Variants in CLIP2 observed in about 807,000 individuals in gnomAD.
CLIP2 encodes CAP-Gly domain containing linker protein 2, also known as CAP-Gly domain-containing linker protein 2.
In CLIP2, 41 loss-of-function variants were observed where a neutral mutation model predicts 111.7. The ratio of observed to expected loss-of-function variants is 0.37; its 90% confidence interval spans 0.29 to 0.48. The LOEUF (loss-of-function observed/expected upper bound fraction) is 0.48, where lower values mean the gene tolerates loss of function less well. Among genes scored for constraint, CLIP2 ranks in the 20% least tolerant of loss-of-function variants. CLIP2 has a pLI of 0.99. For missense variants in CLIP2, 1,160 were observed against 1,422.1 expected (o/e 0.82, Z 2.96); for synonymous variants, 660 against 644.2 (o/e 1.02, Z -0.37).
Position 74,393,070 on chromosome 7 carries a change from C to T in CLIP2, c.2720+3811C>T, listed in dbSNP as rs146961744. Among the ~76,000 whole-genome samples, 1,372 of 140,472 alleles carry T rather than the reference C, an allele frequency of 9.8e-3. 18 individuals are homozygous for T. Among genetic ancestry groups the T allele is most frequent in the African/African-American group, 0.033 (1,270 of 38,712 alleles). 92.2% of individuals were successfully genotyped at this position (140,472 alleles called of 152,430 possible). ...TTTTTTTTTGAGACGGAGTCTTACT[C>T]TGTTGCCCAGGCTGCAGTACAGTGG... On this transcript the variant is annotated intron_variant, in intron 13 of 16. Transcript: ENST00000223398.
At chr7:74,354,067 G>A in intron 4 of CLIP2, 63 bp downstream of exon 4, 2 of 1,540,772 alleles carry the variant, frequency 1.3e-6, no homozygotes, top group Non-Finnish European at 1.8e-6. Flanking sequence ...GGGCGCAGGG[G>A]ATGGAGATGG....
chr7:74,396,412 A>C (rs1334689147), intron 13 of CLIP2, among the ~76,000 whole-genome samples: 2 of 152,208 alleles, frequency 1.3e-5, no homozygotes, highest in Admixed American at 1.3e-4. Flanking sequence ...TTAAAAATAG[A>C]TAAAATGTCT....
chr7:74,343,402 G>A (rs577374384), intron 3 of CLIP2, among the ~76,000 whole-genome samples: 13 of 152,140 alleles, frequency 8.5e-5, no homozygotes, highest in East Asian at 3.9e-4. Context: ...CAGGATCTCC[G>A]GGGTCTGTGG....
At chr7:74,305,651 G>T (rs900241609) in intron 1 of CLIP2, among the ~76,000 whole-genome samples, 5 of 152,014 alleles carry the variant, frequency 3.3e-5, no homozygotes, top group African/African-American at 1.2e-4. Flanking sequence ...GCGCCACCAC[G>T]CCCAGCTAAT....
rs187258230 is a variant in CLIP2 at position 74,300,274 on chromosome 7, C to G, written c.-68+10540C>G. 1.8e-3 allele frequency among the ~76,000 whole-genome samples: 273 copies of G among 150,200 alleles called. 1 individual carries two copies. Among genetic ancestry groups the G allele is most frequent in the African/African-American group, 3.4e-3 (141 of 40,892 alleles). ...AGTGCTGGGATTACAGGCATGAGCC[C>G]CCACACCCAGCCTCTTCCCACCTTT... is the stretch of plus-strand genomic sequence containing the variant. On this transcript the variant is annotated intron_variant, in intron 1 of 16. Coordinates refer to ENST00000223398, the MANE Select transcript of CLIP2 (RefSeq NM_003388.5).
At chr7:74,355,438 C>T (rs1554308307) in intron 4 of CLIP2, among the ~76,000 whole-genome samples, 1 of 152,144 alleles carries the variant, frequency 6.6e-6, no homozygotes, top group Admixed American at 6.6e-5. Flanking sequence ...AGCAAAACCT[C>T]ATCTCTACAA....
At chr7:74,377,141 G>A (rs1395325973) in intron 10 of CLIP2, among the ~76,000 whole-genome samples, 4 of 152,102 alleles carry the variant, frequency 2.6e-5, no homozygotes, top group African/African-American at 7.2e-5. Flanking sequence ...CATGTCTTAG[G>A]GTGCAGGGCT....
intron 8 of CLIP2, among the ~76,000 whole-genome samples, chr7:74,369,073 G>A (rs1478351575): frequency 5.3e-5 from 8 of 152,222 alleles, no homozygotes; most frequent in Admixed American, 3.3e-4. Flanking sequence ...TATTCTGGCT[G>A]GATGTGGTGG....
At chr7:74,328,424 C>T (rs187956186) in intron 2 of CLIP2, among the ~76,000 whole-genome samples, 6 of 152,270 alleles carry the variant, frequency 3.9e-5, no homozygotes, top group Admixed American at 3.9e-4. Flanking sequence ...GTCTGCATTT[C>T]AGCCCAGGGG....
intron 8 of CLIP2, among the ~76,000 whole-genome samples, chr7:74,367,727 A>G (rs78294428): frequency 5.8e-4 from 89 of 152,232 alleles, no homozygotes; most frequent in Non-Finnish European, 1.2e-3. Context: ...ACATCTATCC[A>G]GGCCTCCCCT....
chr7:74,292,943 G>T (rs1197698856), intron 1 of CLIP2, among the ~76,000 whole-genome samples: 1 of 152,158 alleles, frequency 6.6e-6, no homozygotes, highest in African/African-American at 2.4e-5. Context: ...CAGGTGCAAA[G>T]TCCAAACACG....
At chr7:74,306,637 T>C (rs1788496489) in intron 1 of CLIP2, among the ~76,000 whole-genome samples, 1 of 152,144 alleles carries the variant, frequency 6.6e-6, no homozygotes, top group African/African-American at 2.4e-5. Flanking sequence ...CAGCCGGGGC[T>C]TGTCTCTGGG....
In CLIP2 at chr7:74,401,647, A is replaced by T. The variant is rs944189701; in HGVS notation, c.3129+80A>T. On this transcript the variant is annotated intron_variant, in intron 16 of 16. Coordinates refer to ENST00000223398, the MANE Select transcript of CLIP2 (RefSeq NM_003388.5). ...AGAAAATCCTTGAAACGTCACTAAG[A>T]ATACACACAAAGATGCATTCTGCAA... The T allele has an allele frequency of 2.9e-6, 4 of 1,389,266 alleles. No homozygotes were observed. In the Admixed American group the frequency reaches 7.5e-5, roughly 26 times the overall value. 86.1% of individuals were successfully genotyped at this position (1,389,266 alleles called of 1,614,324 possible). A position where few individuals can be genotyped will look rare whatever the true frequency, so the allele number is the denominator to read the frequency against.
Position 74,389,164 on chromosome 7 carries a change from G to C in CLIP2, c.2625G>C (p.Arg875=), listed in dbSNP as rs1193372178. 2 of 1,613,746 alleles carry C rather than the reference G, an allele frequency of 1.2e-6. No homozygotes were observed. Reference sequence around the variant, plus strand: ...TGGACGCCCTCCTGAAGGAGAAGCGGCGCCTGGAGGCAGAGCTGGAGACCG... The same window carrying C: ...TGGACGCCCTCCTGAAGGAGAAGCGCCGCCTGGAGGCAGAGCTGGAGACCG... The part of the protein sequence containing the change: ...KKVDALLKEK[R]RLEAELETVS... Residue 875 remains arginine (R), a synonymous_variant, in exon 13 of 17, where the codon CGG becomes CGC. Transcript: ENST00000223398.
intron 2 of CLIP2, among the ~76,000 whole-genome samples, chr7:74,328,184 G>A (rs1183089379): frequency 6.6e-6 from 1 of 152,150 alleles, no homozygotes; most frequent in Non-Finnish European, 1.5e-5. Context: ...AGCAGGCATG[G>A]ACTGAGGGGT....
intron 14 of CLIP2, among the ~76,000 whole-genome samples, chr7:74,397,674 T>G (rs968607215): frequency 4.4e-4 from 64 of 145,268 alleles, no homozygotes; most frequent in African/African-American, 1.6e-3. Context: ...TTGTTTTTTT[T>G]TTTTTTTTTT....
intron 2 of CLIP2, among the ~76,000 whole-genome samples, chr7:74,336,057 T>C (rs1789446364): frequency 1.3e-5 from 2 of 151,706 alleles, no homozygotes; most frequent in Admixed American, 6.6e-5. Flanking sequence ...TCTTTTCTCT[T>C]TTTTCTTTTC....
At chr7:74,290,684 G>A (rs1193231868) in intron 1 of CLIP2, among the ~76,000 whole-genome samples, 1 of 152,226 alleles carries the variant, frequency 6.6e-6, no homozygotes, top group Admixed American at 6.5e-5. Flanking sequence ...GCCTGAGGGA[G>A]GTGGGTGGGG....
At chr7:74,293,444 A>T (rs1554725652) in intron 1 of CLIP2, among the ~76,000 whole-genome samples, 1 of 152,104 alleles carries the variant, frequency 6.6e-6, no homozygotes, top group African/African-American at 2.4e-5. Context: ...CTGTAGCCTG[A>T]GTCCACGGGA....
Sources: allele counts gnomAD v4.1 joint callset (sites outside exome capture counted in the v4.1 genomes callset), GRCh38; gene constraint gnomAD v4.1.1; transcripts MANE v1.5; gene names NCBI Gene and HGNC (gene_info 2026-07-23, HGNC 2026-07-21).